ZNF366: variants seen among roughly 807,000 people sequenced by gnomAD.
ZNF366 encodes dendritic cell-specific transcript protein.
Under a neutral mutation model 47.2 loss-of-function variants are expected in ZNF366, and 20 were observed. That is an observed-to-expected ratio of 0.42 (90% confidence interval 0.30 to 0.62). The LOEUF (loss-of-function observed/expected upper bound fraction) is 0.62. Ranked by LOEUF, ZNF366 falls within the 20% of genes least tolerant of loss-of-function variation. The probability of loss-of-function intolerance (pLI) is 0.16; values close to 1 mark genes in which losing one functional copy is unlikely to be tolerated. For missense variants in ZNF366, 987 were observed against 976.3 expected (o/e 1.01, Z -0.15); for synonymous variants, 421 against 395.1 (o/e 1.07, Z -0.78).
At position 72,460,578 on chromosome 5, in the gene ZNF366, G is replaced by C; in HGVS notation, c.919C>G (p.Arg307Gly). Residue 307 changes from arginine (R) to glycine (G), a missense_variant, in exon 2 of 5, where the codon CGG becomes GGG. Arg to Gly is a moderately radical substitution (Grantham distance 125). Around this residue, in one of 3 missense-constraint regions of ZNF366, gnomAD observed 591 missense variants for 560.9 expected, o/e 1.05. Transcript: ENST00000318442. The stretch of plus-strand genomic sequence containing the variant: ...TGGCACACCTGGCACTTGTGGGGCC[G>C]CGTGCCCTGGTGGGTCAGCATGTGG... The part of the protein sequence containing the change: ...HTHMLTHQGT[R>G]PHKCQVCHKA... The C allele has an allele frequency of 6.2e-7, 1 of 1,614,076 alleles. No individual in the cohort carries two copies. The highest frequency in any genetic ancestry group is 8.5e-7 in the Non-Finnish European group (1 of 1,180,038).
intron 2 of ZNF366, among the ~76,000 whole-genome samples, chr5:72,458,686 A>G (rs1002243036): frequency 3.3e-5 from 5 of 152,236 alleles, no homozygotes; most frequent in African/African-American, 1.2e-4. Context: ...AGTGTCTTCA[A>G]CTGCAGATCG....
At chr5:72,497,205 T>C (rs1046121570) in intron 1 of ZNF366, among the ~76,000 whole-genome samples, 2 of 152,186 alleles carry the variant, frequency 1.3e-5, no homozygotes, top group Non-Finnish European at 2.9e-5. Context: ...AACTAAGAAA[T>C]CTTTGCCTAA....
chr5:72,471,906 G>A (rs1435333873), intron 1 of ZNF366, among the ~76,000 whole-genome samples: 5 of 152,058 alleles, frequency 3.3e-5, no homozygotes, highest in African/African-American at 7.2e-5. Flanking sequence ...GGCTGGTCTT[G>A]AACTCCTGGC....
In ZNF366 at chr5:72,462,547, C is replaced by CTTTGTTTCTTTCTTTCTTTCTTTCTTTCT. The variant is rs11275151; in HGVS notation, c.-14-1038_-14-1037insAGAAAGAAAGAAAGAAAGAAAGAAACAAA. ...TCTTTCTTTCTTTCTTTCTTTCTTT[C>CTTTGTTTCTTTCTTTCTTTCTTTCTTTCT]TTTTTTTTTTTTTTTGGAGATGGAG... is the stretch of plus-strand genomic sequence containing the variant. On this transcript the variant is annotated intron_variant, in intron 1 of 4. Transcript: ENST00000318442. 2.4e-4 allele frequency among the ~76,000 whole-genome samples: 19 copies of CTTTGTTTCTTTCTTTCTTTCTTTCTTTCT among 78,914 alleles called. 1 individual carries two copies. The highest frequency in any genetic ancestry group is 1.1e-3 in the African/African-American group (19 of 16,730). 51.8% of individuals were successfully genotyped at this position (78,914 alleles called of 152,430 possible).
Position 72,461,205 on chromosome 5 carries a change from C to A in ZNF366, c.292G>T (p.Ala98Ser), listed in dbSNP as rs751855631. The A allele has an allele frequency of 6.2e-7, 1 of 1,613,936 alleles. No homozygotes were observed. The highest frequency in any genetic ancestry group is 2.2e-5 in the East Asian group (1 of 44,874). The stretch of plus-strand genomic sequence containing the variant: ...TTTTTGTTCTCCTCTGAGTGGAGGG[C>A]GAGGGTGACTTCTTCTGCAGGGTGG... ...YNHPAEEVTL[A>S]LHSEENKNHG... The change falls in exon 2 of 5, where the codon GCC becomes TCC. Residue 98 changes from alanine (A) to serine (S), a missense_variant. Transcript: ENST00000318442.
chr5:72,476,424 T>C (rs1415972268), intron 1 of ZNF366, among the ~76,000 whole-genome samples: 1 of 152,124 alleles, frequency 6.6e-6, no homozygotes, highest in Non-Finnish European at 1.5e-5. Context: ...CTGTTCGATG[T>C]AAATGGAAGT....
chr5:72,460,327 G>A lies in ZNF366; in HGVS notation c.1170C>T (p.Pro390=). ...CGCACTCGGAGCAGTTGTACTGGATGGGGCCCCGGTGCGTGGTGAGGTGTC... is the reference window on the plus strand; with the variant it reads ...CGCACTCGGAGCAGTTGTACTGGATAGGGCCCCGGTGCGTGGTGAGGTGTC... ...LKRHLTTHRG[P]IQYNCSECDK... The change falls in exon 2 of 5, where the codon CCC becomes CCT. Residue 390 remains proline, a synonymous_variant. Coordinates refer to ENST00000318442, the MANE Select transcript of ZNF366 (RefSeq NM_152625.3). The A allele has an allele frequency of 6.2e-7, 1 of 1,614,244 alleles. No individual in the cohort carries two copies. The highest frequency in any genetic ancestry group is 8.5e-7 in the Non-Finnish European group (1 of 1,180,046).
chr5:72,474,542 A>G (rs1743632494), intron 1 of ZNF366, among the ~76,000 whole-genome samples: 1 of 152,218 alleles, frequency 6.6e-6, no homozygotes, highest in Non-Finnish European at 1.5e-5. Flanking sequence ...GTCCAAATTC[A>G]GAAAGGAAGG....
rs376626591 is a variant in ZNF366, at chr5:72,460,846, G to A, written c.651C>T (p.Ala217=). 16 of 1,613,956 alleles carry A rather than the reference G, an allele frequency of 9.9e-6. No individual in the cohort carries two copies. The highest frequency in any genetic ancestry group is 3.3e-4 in the Middle Eastern group (2 of 6,084). ...QPPEPLLPRK[A]EPQESEETKQ... is the part of the protein sequence containing the mutation. ...TGGTCTCCTCGCTCTCCTGGGGCTCGGCTTTCCGGGGCAGCAGAGGTTCCG... is the reference window on the plus strand; with the variant it reads ...TGGTCTCCTCGCTCTCCTGGGGCTCAGCTTTCCGGGGCAGCAGAGGTTCCG... The change falls in exon 2 of 5, where the codon GCC becomes GCT. Residue 217 remains alanine, a synonymous_variant. Coordinates refer to ENST00000318442, the MANE Select transcript of ZNF366 (RefSeq NM_152625.3).
intron 1 of ZNF366, among the ~76,000 whole-genome samples, chr5:72,481,112 T>C (rs1347862162): frequency 1.3e-5 from 2 of 152,130 alleles, no homozygotes; most frequent in African/African-American, 2.4e-5. Flanking sequence ...ACAGCCGTAA[T>C]AAAAAGCCCG....
At chr5:72,452,411 G>A (rs887226198) in intron 3 of ZNF366, among the ~76,000 whole-genome samples, 3 of 152,138 alleles carry the variant, frequency 2.0e-5, no homozygotes, top group African/African-American at 4.8e-5. Context: ...CAGTTCATAC[G>A]GCTATATCCT....
chr5:72,460,470 C>G lies in ZNF366; in HGVS notation c.1027G>C (p.Gly343Arg), dbSNP rs750970265. ...TCGCTGGGGTAGGCAAAGCCGCGGC[C>G]GCACACGCGGCAGTTGTGCGGCTTC... ...EVKPHNCRVC[G>R]RGFAYPSELK... The change falls in exon 2 of 5, where the codon GGC becomes CGC. Residue 343 changes from glycine to arginine, a missense_variant. Transcript: ENST00000318442. The G allele has an allele frequency of 1.9e-6, 3 of 1,613,936 alleles. No individual in the cohort carries two copies. In the South Asian group the frequency reaches 3.3e-5, roughly 18 times the overall value.
intron 1 of ZNF366, among the ~76,000 whole-genome samples, chr5:72,490,009 G>A (rs1486048964): frequency 1.3e-5 from 2 of 152,190 alleles, no homozygotes; most frequent in Non-Finnish European, 1.5e-5. Context: ...TCCTTGATCT[G>A]CTTAGTACCA....
intron 2 of ZNF366, among the ~76,000 whole-genome samples, chr5:72,457,917 T>C (rs1743222428): frequency 6.6e-6 from 1 of 152,184 alleles, no homozygotes; most frequent in Non-Finnish European, 1.5e-5. Flanking sequence ...GATGAATCTT[T>C]AAAATGTAGT....
intron 1 of ZNF366, among the ~76,000 whole-genome samples, chr5:72,483,571 T>G (rs1743830220): frequency 6.6e-6 from 1 of 152,184 alleles, no homozygotes; most frequent in Non-Finnish European, 1.5e-5. Flanking sequence ...TTCTAGATTT[T>G]CAGTGTATTT....
chr5:72,444,972 A>T (rs1742930587), intron 4 of ZNF366, among the ~76,000 whole-genome samples: 1 of 152,214 alleles, frequency 6.6e-6, no homozygotes, highest in South Asian at 2.1e-4. Context: ...AAAGTAAATC[A>T]ATAATAAAGC....
intron 4 of ZNF366, among the ~76,000 whole-genome samples, chr5:72,444,624 C>G (rs571065989): frequency 1.3e-5 from 2 of 151,612 alleles, no homozygotes; most frequent in Non-Finnish European, 2.9e-5. Context: ...TTTTTTATCA[C>G]AGTCAAACAA....
intron 1 of ZNF366, among the ~76,000 whole-genome samples, chr5:72,506,427 G>A (rs2112362401): frequency 6.6e-6 from 1 of 152,274 alleles, no homozygotes; most frequent in South Asian, 2.1e-4. Context: ...AGCTTGACTA[G>A]CTTGCTACGC....
chr5:72,467,701 G>GA (rs758175997), intron 1 of ZNF366, among the ~76,000 whole-genome samples: 1 of 152,112 alleles, frequency 6.6e-6, no homozygotes, highest in South Asian at 2.1e-4. Context: ...ACTCTTCCAC[G>GA]AAAGAGAGAA....
Sources: allele counts gnomAD v4.1 joint callset (sites outside exome capture counted in the v4.1 genomes callset), GRCh38; gene constraint gnomAD v4.1.1; regional missense constraint gnomAD v4.1.1; transcripts MANE v1.5; gene names NCBI Gene and HGNC (gene_info 2026-07-23, HGNC 2026-07-21).